GTF2A1: variants seen among roughly 807,000 people sequenced by gnomAD.
GTF2A1 encodes the protein general transcription factor IIA subunit 1.
A neutral mutation model predicts 54.1 loss-of-function variants in GTF2A1; 12 were observed. The observed-to-expected ratio is 0.22, with a 90% CI of 0.14 to 0.36. The LOEUF (loss-of-function observed/expected upper bound fraction) is 0.36, where lower values mean the gene tolerates loss of function less well. Ranked by LOEUF, GTF2A1 falls within the 10% of genes least tolerant of loss-of-function variation. GTF2A1 has a pLI of 1.00. For synonymous variants in GTF2A1, 145 were observed against 152.0 expected (o/e 0.95, Z 0.34); for missense variants, 335 against 442.2 (o/e 0.76, Z 2.17).
chr14:81,184,864 TA>T (rs1045084805), intron 8 of GTF2A1, among the ~76,000 whole-genome samples: 6 of 152,124 alleles, frequency 3.9e-5, no homozygotes, highest in Admixed American at 6.5e-5. Context: ...ATGATTGCAA[TA>T]AAAAAACTGT....
At chr14:81,184,774 T>A (rs1595207458) in intron 8 of GTF2A1, among the ~76,000 whole-genome samples, 1 of 152,228 alleles carries the variant, frequency 6.6e-6, no homozygotes, top group African/African-American at 2.4e-5. Flanking sequence ...AATAAGCTTT[T>A]GTTAGAATTT....
Position 81,192,509 on chromosome 14 carries a change from A to G in GTF2A1, c.933+10T>C, listed in dbSNP as rs767285808. 5 of 1,588,830 alleles carry G rather than the reference A, an allele frequency of 3.1e-6. No individual in the cohort carries two copies. Among genetic ancestry groups the G allele is most frequent in the Admixed American group, 1.8e-5 (1 of 56,488 alleles). ...AGTAGATTATTTTAAGTATGTTACT[A>G]GAAACTTACTTCTTCCACCTGCCCA... On this transcript the variant is annotated intron_variant, in intron 7 of 8. Coordinates refer to ENST00000553612, the MANE Select transcript of GTF2A1 (RefSeq NM_015859.4).
chr14:81,192,550 T>C lies in GTF2A1; in HGVS notation c.902A>G (p.Lys301Arg), dbSNP rs1892897712. Residue 301 changes from lysine to arginine, a missense_variant, in exon 7 of 9, where the codon AAA (lysine) becomes AGA (arginine). Coordinates refer to ENST00000553612, the MANE Select transcript of GTF2A1 (RefSeq NM_015859.4). ...CACCTGCCCATCTTCAGCTCCATCT[T>C]TCTCTTTGTCTTCCTCCTCATCATC... ...YDDDEEEDKE[K>R]DGAEDGQVEE... 6.2e-7 allele frequency: 1 copy of C among 1,612,546 alleles called. No individual in the cohort carries two copies. The highest frequency in any genetic ancestry group is 8.5e-7 in the Non-Finnish European group (1 of 1,179,138).
intron 6 of GTF2A1, among the ~76,000 whole-genome samples, chr14:81,194,002 A>G (rs1262165420): frequency 6.6e-6 from 1 of 152,242 alleles, no homozygotes; most frequent in Admixed American, 6.5e-5. Flanking sequence ...AGTGTACCAA[A>G]TTCAACTTAG....
At chr14:81,202,976 A>T in intron 3 of GTF2A1, 1 of 342,444 alleles carries the variant, frequency 2.9e-6, no homozygotes, top group Non-Finnish European at 5.6e-6. Context: ...ACATATATAT[A>T]CTGTCAAATG....
chr14:81,211,908 T>TAA (rs1555390547), intron 2 of GTF2A1, among the ~76,000 whole-genome samples: 1 of 138,578 alleles, frequency 7.2e-6, no homozygotes, highest in African/African-American at 2.7e-5. Context: ...TATATATATA[T>TAA]AACTAGAGTA....
intron 4 of GTF2A1, among the ~76,000 whole-genome samples, chr14:81,199,175 C>G (rs1232614245): frequency 6.6e-6 from 1 of 152,086 alleles, no homozygotes; most frequent in Admixed American, 6.5e-5. Flanking sequence ...TTTTGAAAGA[C>G]AGCAATTCTC....
intron 1 of GTF2A1, 130 bp downstream of exon 1, chr14:81,220,359 G>A (rs1437869984): frequency 5.4e-6 from 2 of 373,324 alleles, no homozygotes; most frequent in Non-Finnish European, 8.7e-6. Flanking sequence ...GCGGGAAGCG[G>A]CGGCGGCGGC....
intron 6 of GTF2A1, among the ~76,000 whole-genome samples, chr14:81,193,950 G>A (rs1231812539): frequency 6.6e-6 from 1 of 152,162 alleles, no homozygotes; most frequent in Non-Finnish European, 1.5e-5. Context: ...AAACACAGCA[G>A]ATGTAGTACA....
chr14:81,185,476 T>G, intron 8 of GTF2A1, 55 bp downstream of exon 8: 2 of 959,394 alleles, frequency 2.1e-6, no homozygotes, highest in Non-Finnish European at 3.4e-6. Flanking sequence ...AAGAATAATG[T>G]AGGGAAGAAA....
At chr14:81,209,503 T>C (rs1433853225) in intron 2 of GTF2A1, among the ~76,000 whole-genome samples, 2 of 152,162 alleles carry the variant, frequency 1.3e-5, no homozygotes, top group Admixed American at 1.3e-4. Flanking sequence ...CAACCTGGAA[T>C]ACTTATTTGC....
At chr14:81,191,770 T>A (rs943547581) in intron 7 of GTF2A1, among the ~76,000 whole-genome samples, 1 of 152,208 alleles carries the variant, frequency 6.6e-6, no homozygotes, top group African/African-American at 2.4e-5. Context: ...GGCACCAGGA[T>A]GATTTTTATC....
chr14:81,208,025 G>A (rs905370339), intron 2 of GTF2A1, among the ~76,000 whole-genome samples: 1 of 152,154 alleles, frequency 6.6e-6, no homozygotes, highest in African/African-American at 2.4e-5. Flanking sequence ...ATTTTTTGAG[G>A]AGAAATTCAA....
intron 2 of GTF2A1, among the ~76,000 whole-genome samples, chr14:81,208,811 C>G (rs1411726728): frequency 6.6e-6 from 1 of 152,176 alleles, no homozygotes; most frequent in Non-Finnish European, 1.5e-5. Flanking sequence ...TAAGACTGCC[C>G]CACTGGATTT....
intron 6 of GTF2A1, 81 bp downstream of exon 6, chr14:81,196,027 A>G (rs1892985624): frequency 7.1e-6 from 9 of 1,276,370 alleles, no homozygotes; most frequent in Non-Finnish European, 7.9e-6. Context: ...TTTTGTGCAT[A>G]TAAGGAGAGG....
intron 8 of GTF2A1, among the ~76,000 whole-genome samples, chr14:81,183,122 G>A (rs1477258385): frequency 3.9e-5 from 6 of 152,098 alleles, no homozygotes; most frequent in African/African-American, 1.4e-4. Flanking sequence ...CCCCTGATTG[G>A]AGTAAGCTTC....
At chr14:81,187,658 G>A (rs1433892587) in intron 7 of GTF2A1, among the ~76,000 whole-genome samples, 1 of 152,112 alleles carries the variant, frequency 6.6e-6, no homozygotes, top group African/African-American at 2.4e-5. Flanking sequence ...ATGTTTTCAA[G>A]GTTCATCCAT....
At chr14:81,208,381 A>G (rs1893288390) in intron 2 of GTF2A1, among the ~76,000 whole-genome samples, 1 of 152,210 alleles carries the variant, frequency 6.6e-6, no homozygotes, top group Non-Finnish European at 1.5e-5. Flanking sequence ...GGGAACTTCT[A>G]CCTAGATTTC....
intron 2 of GTF2A1, among the ~76,000 whole-genome samples, chr14:81,213,114 G>A (rs1893409127): frequency 6.6e-6 from 1 of 152,124 alleles, no homozygotes; most frequent in Admixed American, 6.5e-5. Context: ...GTTAGATTCA[G>A]GTGCCGTATC....
Sources: allele counts gnomAD v4.1 joint callset (sites outside exome capture counted in the v4.1 genomes callset), GRCh38; gene constraint gnomAD v4.1.1; transcripts MANE v1.5; gene names NCBI Gene and HGNC (gene_info 2026-07-23, HGNC 2026-07-21).